Variants in MACROH2A1 observed in about 807,000 individuals in gnomAD.
MACROH2A1 encodes the protein macroH2A.1 histone.
In MACROH2A1, 2 loss-of-function variants were observed where a neutral mutation model predicts 31.6. The ratio of observed to expected loss-of-function variants is 0.06; its 90% CI spans 0.03 to 0.20. MACROH2A1 has a LOEUF of 0.20. Among genes scored for constraint, MACROH2A1 ranks in the 10% least tolerant of loss-of-function variants. The pLI is 1.00. For missense variants in MACROH2A1, 230 were observed against 474.0 expected (o/e 0.49, Z 4.78); for synonymous variants, 169 against 189.6 (o/e 0.89, Z 0.89).
At chr5:135,379,135 T>C (rs1765302014) in intron 2 of MACROH2A1, among the ~76,000 whole-genome samples, 1 of 152,216 alleles carries the variant, frequency 6.6e-6, no homozygotes, top group Admixed American at 6.5e-5. Flanking sequence ...TCCAGAGGCC[T>C]TGGGTTTGTT....
At chr5:135,357,859 C>G (rs1420501418) in intron 5 of MACROH2A1, 5 of 985,244 alleles carry the variant, frequency 5.1e-6, no homozygotes, top group Middle Eastern at 5.2e-4. Context: ...AATGGTCAGG[C>G]TCCTAAGCCT....
intron 6 of MACROH2A1, among the ~76,000 whole-genome samples, chr5:135,349,618 A>G (rs1039460784): frequency 1.3e-5 from 2 of 152,134 alleles, no homozygotes; most frequent in African/African-American, 4.8e-5. Context: ...GCTACTGCAC[A>G]TCTAGCATCC....
At chr5:135,361,158 C>G (rs1031962054) in intron 4 of MACROH2A1, 1 of 192,242 alleles carries the variant, frequency 5.2e-6, no homozygotes, top group African/African-American at 2.4e-5. Flanking sequence ...GACCCCTTGA[C>G]CCATGGTTCT....
intron 2 of MACROH2A1, among the ~76,000 whole-genome samples, chr5:135,379,770 G>A (rs532096512): frequency 1.8e-4 from 28 of 152,228 alleles, no homozygotes; most frequent in African/African-American, 6.3e-4. Context: ...TCTTTTAGAA[G>A]CCCGTCCTGA....
intron 1 of MACROH2A1, among the ~76,000 whole-genome samples, chr5:135,396,489 G>C (rs1373971257): frequency 6.6e-6 from 1 of 151,982 alleles, no homozygotes; most frequent in Non-Finnish European, 1.5e-5. Context: ...CAGCCATCCC[G>C]AGCCTCTGGC....
At chr5:135,345,310 A>T (rs1760655152) in intron 7 of MACROH2A1, 2 of 152,180 alleles carry the variant, frequency 1.3e-5, no homozygotes, top group African/African-American at 4.8e-5. Flanking sequence ...ATCGGGTAGT[A>T]AGAAGAGAAA....
At chr5:135,353,974 G>C (rs1394048328) in intron 5 of MACROH2A1, 1 of 152,226 alleles carries the variant, frequency 6.6e-6, no homozygotes, top group African/African-American at 2.4e-5. Context: ...CTTTTCTTTA[G>C]GTATTGCAGG....
At chr5:135,365,123 C>T (rs1187131671) in intron 4 of MACROH2A1, among the ~76,000 whole-genome samples, 1 of 152,160 alleles carries the variant, frequency 6.6e-6, no homozygotes, top group Non-Finnish European at 1.5e-5. Context: ...TGGATCTTAA[C>T]CTGAGGGACA....
chr5:135,389,698 G>T (rs909783526), intron 1 of MACROH2A1, among the ~76,000 whole-genome samples: 1 of 152,198 alleles, frequency 6.6e-6, no homozygotes, highest in Non-Finnish European at 1.5e-5. Flanking sequence ...AAGAGAGAGA[G>T]AGGTGTTTTT....
chr5:135,335,288 G>A, intron 8 of MACROH2A1, 147 bp from the exon 9 acceptor site: 1 of 626,754 alleles, frequency 1.6e-6, no homozygotes, highest in South Asian at 1.9e-5. Flanking sequence ...TTGTACGCCA[G>A]TGTGGGAAAG....
chr5:135,357,254 T>C (rs942213990), intron 5 of MACROH2A1: 4 of 152,252 alleles, frequency 2.6e-5, no homozygotes, highest in Non-Finnish European at 5.9e-5. Flanking sequence ...AGATGGTCGA[T>C]AGCTGAGCCA....
Position 135,335,072 on chromosome 5 carries a change from T to C in MACROH2A1, c.1023A>G (p.Thr341=). ...LKAISSYFVS[T]MSSSIKTVYF... is the part of the protein sequence containing the mutation. ...ACACCGTTTTGATGGAAGAGGACAT[T>C]GTAGACACGAAGTAACTGGAGATGG... Residue 341 remains threonine (T), a synonymous_variant, in exon 9 of 9, where the codon ACA becomes ACG. Coordinates refer to ENST00000511689, the MANE Select transcript of MACROH2A1 (RefSeq NM_138610.3). 2 of 1,613,562 alleles carry C rather than the reference T, an allele frequency of 1.2e-6. No homozygotes were observed. The highest frequency in any genetic ancestry group is 1.7e-6 in the Non-Finnish European group (2 of 1,179,436).
intron 2 of MACROH2A1, among the ~76,000 whole-genome samples, chr5:135,378,552 A>T (rs148745201): frequency 2.3e-4 from 35 of 152,266 alleles, no homozygotes; most frequent in Non-Finnish European, 7.3e-5. Flanking sequence ...CCGGGCATTT[A>T]CCAGTCTTCC....
At position 135,343,190 on chromosome 5, in the gene MACROH2A1, C is replaced by A. The variant is rs1434196766; in HGVS notation, c.953+70G>T. 3.7e-6 allele frequency: 6 copies of A among 1,605,572 alleles called. No homozygotes were observed. The Admixed American group carries it at 1.0e-4, about 27-fold the overall frequency. ...TGGGCCTTGCACAGAGTGAGAGCAC[C>A]ACAATTATGGGCCATGTGTGCGCAG... On this transcript the variant is annotated intron_variant, in intron 8 of 8. Coordinates refer to ENST00000511689, the MANE Select transcript of MACROH2A1 (RefSeq NM_138610.3).
intron 6 of MACROH2A1, chr5:135,351,237 A>G (rs1331892928): frequency 5.3e-6 from 1 of 187,732 alleles, no homozygotes; most frequent in Non-Finnish European, 1.1e-5. Context: ...TAAAGCTGGC[A>G]TCCCACTGAG....
intron 6 of MACROH2A1, 32 bp downstream of exon 6, chr5:135,352,914 A>G: frequency 9.1e-7 from 1 of 1,102,822 alleles, no homozygotes; most frequent in South Asian, 1.2e-5. Flanking sequence ...TTCATCTGAC[A>G]GCTGGTGGTG....
At chr5:135,380,091 C>T (rs1230448988) in intron 2 of MACROH2A1, among the ~76,000 whole-genome samples, 1 of 152,186 alleles carries the variant, frequency 6.6e-6, no homozygotes, top group Non-Finnish European at 1.5e-5. Flanking sequence ...TCATCAATTT[C>T]CTGGTAGTAT....
At chr5:135,347,996 T>C (rs1408436287) in intron 6 of MACROH2A1, among the ~76,000 whole-genome samples, 3 of 152,266 alleles carry the variant, frequency 2.0e-5, no homozygotes. Flanking sequence ...TGATCTATAA[T>C]TAAAGGTGTT....
Position 135,374,514 on chromosome 5 carries a change from T to TCA in MACROH2A1, c.173-4374_173-4373dup, listed in dbSNP as rs1764599015. 2.6e-5 allele frequency among the ~76,000 whole-genome samples: 4 copies of TCA among 152,170 alleles called. No individual in the cohort carries two copies. The South Asian group carries it at 8.3e-4, about 31-fold the overall frequency. On this transcript the variant is annotated intron_variant, in intron 2 of 8. Transcript: ENST00000511689. ...CCCCCCATGCACACTGGGATGGCCC[T>TCA]CACATTCCCACCAGCAAGGAGGGCT...
Sources: gnomAD v4.1 joint callset for allele counts (sites outside exome capture counted in the v4.1 genomes callset) on GRCh38, gnomAD v4.1.1 for gene constraint, MANE v1.5 for transcripts, NCBI Gene and HGNC (gene_info 2026-07-23, HGNC 2026-07-21) for gene names.